The following ARRB1 variants were observed in gnomAD, a reference collection of about 807,000 sequenced individuals.
ARRB1 encodes the protein beta-arrestin-1.
A neutral mutation model predicts 56.8 loss-of-function variants in ARRB1; 21 were observed. The ratio of observed to expected loss-of-function variants is 0.37; its 90% confidence interval spans 0.26 to 0.53. The LOEUF is 0.53. ARRB1 is among the 20% of genes least tolerant of loss of function. The pLI is 0.88. For synonymous variants in ARRB1, 210 were observed against 218.6 expected (o/e 0.96, Z 0.35); for missense variants, 424 against 553.7 (o/e 0.77, Z 2.35).
intron 1 of ARRB1, among the ~76,000 whole-genome samples, chr11:75,308,968 C>T (rs373972510): frequency 6.6e-6 from 1 of 152,212 alleles, no homozygotes; most frequent in Non-Finnish European, 1.5e-5. Flanking sequence ...TGTTTAATCT[C>T]AAGGATAACT....
intron 1 of ARRB1, among the ~76,000 whole-genome samples, chr11:75,331,440 T>C (rs1947517579): frequency 6.6e-6 from 1 of 152,198 alleles, no homozygotes; most frequent in Admixed American, 6.5e-5. Context: ...CCCCGTGACC[T>C]GCACGTATAC....
chr11:75,267,000 A>G (rs1325827817), intron 15 of ARRB1, among the ~76,000 whole-genome samples: 1 of 152,188 alleles, frequency 6.6e-6, no homozygotes, highest in Admixed American at 6.5e-5. Context: ...AGGACCATGC[A>G]GGTGTCCACC....
chr11:75,351,569 G>A lies in ARRB1; in HGVS notation c.20+19C>T, dbSNP rs1947851970. 2 of 1,498,998 alleles carry A rather than the reference G, an allele frequency of 1.3e-6. No individual in the cohort carries two copies. The highest frequency in any genetic ancestry group is 1.8e-6 in the Non-Finnish European group (2 of 1,130,978). The allele number at this position is 1,498,998 out of a possible 1,614,324, so 92.9% of individuals were successfully genotyped here. ...GTCGCCCCCACGCGCCCCCCGCCGGGCGGCCGCCCTGCACTCACCGGGTCC... is the reference window on the plus strand; with the variant it reads ...GTCGCCCCCACGCGCCCCCCGCCGGACGGCCGCCCTGCACTCACCGGGTCC... On this transcript the variant is annotated intron_variant, in intron 1 of 15. Coordinates refer to ENST00000420843, the MANE Select transcript of ARRB1 (RefSeq NM_004041.5).
At chr11:75,351,365 A>C (rs895185271) in intron 1 of ARRB1, among the ~76,000 whole-genome samples, 1 of 152,146 alleles carries the variant, frequency 6.6e-6, no homozygotes, top group East Asian at 1.9e-4. Context: ...TGTCCGGGCC[A>C]GGAGCTGCGG....
chr11:75,273,989 TC>T (rs1456029133), intron 11 of ARRB1, 84 bp downstream of exon 11: 1 of 1,591,370 alleles, frequency 6.3e-7, no homozygotes, highest in African/African-American at 1.3e-5. Context: ...CTGAGCCTTG[TC>T]TTTGAACTGG....
chr11:75,313,897 T>G (rs1947216448), intron 1 of ARRB1, among the ~76,000 whole-genome samples: 1 of 152,218 alleles, frequency 6.6e-6, no homozygotes. Flanking sequence ...GCTTCTTACG[T>G]GCCTAACACT....
intron 1 of ARRB1, among the ~76,000 whole-genome samples, chr11:75,315,542 C>T (rs941887779): frequency 3.3e-5 from 5 of 152,198 alleles, no homozygotes; most frequent in African/African-American, 9.7e-5. Context: ...GGCAGCTTCC[C>T]GCTGCCCTCC....
chr11:75,281,809 G>T (rs1009429908), intron 6 of ARRB1, 153 bp downstream of exon 6: 3 of 727,302 alleles, frequency 4.1e-6, no homozygotes, highest in East Asian at 2.7e-5. Flanking sequence ...AGAGAGACTG[G>T]TTGTCCAAGG....
intron 1 of ARRB1, among the ~76,000 whole-genome samples, chr11:75,312,653 C>A (rs1947188416): frequency 6.6e-6 from 1 of 152,146 alleles, no homozygotes; most frequent in South Asian, 2.1e-4. Flanking sequence ...GAGAGATTAT[C>A]CTGCATGACC....
At chr11:75,303,507 C>A in intron 1 of ARRB1, 2 of 451,712 alleles carry the variant, frequency 4.4e-6, no homozygotes, top group Admixed American at 4.7e-5. Flanking sequence ...CCCTTGCTCC[C>A]TCCTTTGCTT....
chr11:75,301,005 A>G, intron 1 of ARRB1, among the ~76,000 whole-genome samples: 2 of 145,670 alleles, frequency 1.4e-5, no homozygotes, highest in Non-Finnish European at 3.0e-5. Flanking sequence ...TTAGCTAGGC[A>G]TGGTCGTGGG....
intron 1 of ARRB1, among the ~76,000 whole-genome samples, chr11:75,348,266 C>T (rs985132257): frequency 2.0e-5 from 3 of 152,200 alleles, no homozygotes; most frequent in African/African-American, 7.2e-5. Context: ...TTCCCAATCC[C>T]GCCCCCTTGG....
At chr11:75,296,962 C>T (rs975809832) in intron 1 of ARRB1, among the ~76,000 whole-genome samples, 6 of 152,054 alleles carry the variant, frequency 3.9e-5, no homozygotes, top group Admixed American at 2.0e-4. Flanking sequence ...GCCCAGCCAA[C>T]AATGGAATAT....
At chr11:75,267,610 CGCGGCCCA>C in intron 15 of ARRB1, 34 bp downstream of exon 15, 8 of 1,386,752 alleles carry the variant, frequency 5.8e-6, no homozygotes, top group Non-Finnish European at 8.1e-6. Flanking sequence ...CCCGCCCACC[CGCGGCCCA>C]CCCCCGGATG....
intron 1 of ARRB1, among the ~76,000 whole-genome samples, chr11:75,292,112 C>A (rs1316510089): frequency 2.7e-5 from 4 of 150,060 alleles, no homozygotes; most frequent in African/African-American, 9.8e-5. Context: ...GAGCCCTGGG[C>A]TTTTCTCCTG....
chr11:75,290,586 ACT>A (rs1300928263), intron 1 of ARRB1, among the ~76,000 whole-genome samples: 1 of 149,092 alleles, frequency 6.7e-6, no homozygotes, highest in Non-Finnish European at 1.5e-5. Flanking sequence ...AGCACTCATC[ACT>A]CTCTTTTTTG....
At position 75,303,900 on chromosome 11, in the gene ARRB1, C is replaced by T. The variant is rs561162944; in HGVS notation, c.21-13861G>A. On this transcript the variant is annotated intron_variant, in intron 1 of 15. Coordinates refer to ENST00000420843, the MANE Select transcript of ARRB1 (RefSeq NM_004041.5). ...GGCAAACCCCAGGGAACAGAAACTGCGACTTCAGTCACTTATGTTCCTTGG... is the reference window on the plus strand; with the variant it reads ...GGCAAACCCCAGGGAACAGAAACTGTGACTTCAGTCACTTATGTTCCTTGG... Among the ~76,000 whole-genome samples, 11 of 152,294 alleles carry T rather than the reference C, an allele frequency of 7.2e-5. No homozygotes were observed. The South Asian group carries it at 2.3e-3, about 32-fold the overall frequency.
At chr11:75,278,379 G>A (rs1057170362) in intron 8 of ARRB1, among the ~76,000 whole-genome samples, 1 of 152,102 alleles carries the variant, frequency 6.6e-6, no homozygotes, top group East Asian at 1.9e-4. Flanking sequence ...TCCTCACTTC[G>A]GAAGTCCATC....
At chr11:75,278,087 C>A (rs1946240380) in intron 8 of ARRB1, among the ~76,000 whole-genome samples, 1 of 152,244 alleles carries the variant, frequency 6.6e-6, no homozygotes, top group Non-Finnish European at 1.5e-5. Context: ...GCATCTTGCC[C>A]CAAGGCACTT....
Sources: gnomAD v4.1 joint callset for allele counts (sites outside exome capture counted in the v4.1 genomes callset) on GRCh38, gnomAD v4.1.1 for gene constraint, MANE v1.5 for transcripts, NCBI Gene and HGNC (gene_info 2026-07-23, HGNC 2026-07-21) for gene names.